AGPAT3: variants seen among roughly 807,000 people sequenced by gnomAD.
AGPAT3 encodes the protein 1-acyl-sn-glycerol-3-phosphate acyltransferase gamma.
In AGPAT3, 5 loss-of-function variants were observed where a neutral mutation model predicts 47.3. That is an observed-to-expected ratio of 0.11 (90% CI 0.06 to 0.22). AGPAT3 has a LOEUF of 0.22. Ranked by LOEUF, AGPAT3 falls within the 10% of genes least tolerant of loss-of-function variation. The probability of loss-of-function intolerance (pLI) is 1.00; values close to 1 mark genes in which losing one functional copy is unlikely to be tolerated. For missense variants in AGPAT3, 315 were observed against 493.0 expected, an observed-to-expected ratio of 0.64 and a Z score of 3.42; for synonymous variants, 212 against 208.3, an observed-to-expected ratio of 1.02 and a Z score of -0.15.
intron 1 of AGPAT3, 79 bp from the exon 2 acceptor site, chr21:43,903,878 A>G (rs768681278): frequency 1.3e-5 from 2 of 152,240 alleles, no homozygotes; most frequent in Non-Finnish European, 2.9e-5. Flanking sequence ...CGGGTTTTGA[A>G]GTGGATGCAT....
intron 1 of AGPAT3, among the ~76,000 whole-genome samples, chr21:43,896,299 G>A (rs1569051259): frequency 6.6e-6 from 1 of 152,224 alleles, no homozygotes; most frequent in Non-Finnish European, 1.5e-5. Flanking sequence ...GTGGGGTGAA[G>A]GAATCTGCTC....
intron 1 of AGPAT3, among the ~76,000 whole-genome samples, chr21:43,869,367 G>T (rs908398814): frequency 6.6e-6 from 1 of 152,184 alleles, no homozygotes; most frequent in African/African-American, 2.4e-5. Flanking sequence ...CATTTTATTA[G>T]GGAGCTACAC....
At chr21:43,917,594 G>C (rs2086760514) in intron 2 of AGPAT3, among the ~76,000 whole-genome samples, 1 of 152,194 alleles carries the variant, frequency 6.6e-6, no homozygotes, top group Non-Finnish European at 1.5e-5. Flanking sequence ...AGCTAGCTTA[G>C]GGGAAGAGGT....
intron 4 of AGPAT3, among the ~76,000 whole-genome samples, chr21:43,968,381 C>T (rs1229230852): frequency 4.1e-5 from 5 of 123,386 alleles, no homozygotes; most frequent in Non-Finnish European, 8.5e-5. Context: ...TGGGAGTGAG[C>T]GGCAAGGGTC....
chr21:43,932,920 G>A lies in AGPAT3; in HGVS notation c.-48-26714G>A, dbSNP rs1208986952. Among the ~76,000 whole-genome samples the A allele has an allele frequency of 6.6e-6, 1 of 152,190 alleles. No homozygotes were observed. Among genetic ancestry groups the A allele is most frequent in the Non-Finnish European group, 1.5e-5 (1 of 68,034 alleles). Reference sequence around the variant, plus strand: ...CCGCCTTGGCCTCCCAAAGTGCTGGGATTACAGGTGTGAGCCACCGCCCTG... The same window carrying A: ...CCGCCTTGGCCTCCCAAAGTGCTGGAATTACAGGTGTGAGCCACCGCCCTG... On this transcript the variant is annotated intron_variant, in intron 2 of 9. Coordinates refer to ENST00000291572, the MANE Select transcript of AGPAT3 (RefSeq NM_020132.5). This position sits in a 1 kb window ranked among gnomAD's most constrained non-coding sequence, Gnocchi z 5.2.
chr21:43,926,531 G>A (rs1390535845), intron 2 of AGPAT3, among the ~76,000 whole-genome samples: 2 of 152,082 alleles, frequency 1.3e-5, no homozygotes, highest in Non-Finnish European at 2.9e-5. Flanking sequence ...GTGCACGAGA[G>A]GAGCCCCCAG....
At chr21:43,888,181 A>C (rs914400769) in intron 1 of AGPAT3, among the ~76,000 whole-genome samples, 3 of 152,186 alleles carry the variant, frequency 2.0e-5, no homozygotes. Context: ...CTGGCACTAC[A>C]GGTGCACACC....
rs139780028 is a variant in AGPAT3, at chr21:43,928,823, G to T, written c.-49+24804G>T. On this transcript the variant is annotated intron_variant, in intron 2 of 9. Transcript: ENST00000291572. ...CTACGGATACTACAGATGAGGCGCT[G>T]TCTAATTTTGTTTCACAATGAGCTG... Among the ~76,000 whole-genome samples, 347 of 152,318 alleles carry T rather than the reference G, an allele frequency of 2.3e-3. 1 individual carries two copies. Among genetic ancestry groups the T allele is most frequent in the Middle Eastern group, 6.8e-3 (2 of 294 alleles).
intron 3 of AGPAT3, chr21:43,966,989 T>G (rs930698733): frequency 6.6e-6 from 1 of 152,252 alleles, no homozygotes; most frequent in Non-Finnish European, 1.5e-5. Flanking sequence ...GAGGCCCACG[T>G]GTGACAAAGA....
chr21:43,950,585 A>G (rs1270682545), intron 2 of AGPAT3: 1 of 152,264 alleles, frequency 6.6e-6, no homozygotes, highest in Non-Finnish European at 1.5e-5. Context: ...CATTCGGACG[A>G]GATCAGCGTG....
chr21:43,907,205 T>C (rs901822026), intron 2 of AGPAT3, among the ~76,000 whole-genome samples: 2 of 151,802 alleles, frequency 1.3e-5, no homozygotes, highest in Non-Finnish European at 2.9e-5. Flanking sequence ...GCTTTTTTAT[T>C]TTTTGTAGAG....
intron 1 of AGPAT3, among the ~76,000 whole-genome samples, chr21:43,881,594 C>A (rs1045974577): frequency 1.3e-5 from 2 of 152,140 alleles, no homozygotes; most frequent in African/African-American, 4.8e-5. Flanking sequence ...CATTCATATT[C>A]TTCTATATTG....
Position 43,908,794 on chromosome 21 carries a change from CA to C in AGPAT3, c.-49+4779del, listed in dbSNP as rs2086563013. 6.6e-6 allele frequency among the ~76,000 whole-genome samples: 1 copy of C among 152,210 alleles called. No homozygotes were observed. The highest frequency in any genetic ancestry group is 2.4e-5 in the African/African-American group (1 of 41,454). On this transcript the variant is annotated intron_variant, in intron 2 of 9. Transcript: ENST00000291572. The surrounding 1 kb of genome is among the most constrained non-coding windows in gnomAD (Gnocchi z 4.9). ...GTGGTGGCCTGCCAGCTCCAGGCTG[CA>C]AAAGTCCCTCGTCATTTCATTTCCT...
At chr21:43,950,125 T>G (rs973046267) in intron 2 of AGPAT3, among the ~76,000 whole-genome samples, 17 of 152,242 alleles carry the variant, frequency 1.1e-4, no homozygotes, top group African/African-American at 3.9e-4. Flanking sequence ...CTAGAGCCAT[T>G]AAGAGAGCAA....
At chr21:43,916,687 G>A (rs1307368330) in intron 2 of AGPAT3, among the ~76,000 whole-genome samples, 3 of 152,076 alleles carry the variant, frequency 2.0e-5, no homozygotes. Context: ...CTTTTAGTAG[G>A]TGATTGGAGG....
At chr21:43,885,834 C>T (rs201738023) in intron 1 of AGPAT3, among the ~76,000 whole-genome samples, 1 of 78,572 alleles carries the variant, frequency 1.3e-5, no homozygotes. Flanking sequence ...TGTGCAGGTG[C>T]GCAGGTGCGC....
chr21:43,865,940 C>T lies in AGPAT3; in HGVS notation c.-112+595C>T, dbSNP rs532094816. On this transcript the variant is annotated intron_variant, in intron 1 of 9. Coordinates refer to ENST00000291572, the MANE Select transcript of AGPAT3 (RefSeq NM_020132.5). ...CGGGGCCCGGGGTTGGCTGTGGGTT[C>T]GGCCCGGAGACCGGCGGCGCGTTTG... 5.9e-4 allele frequency among the ~76,000 whole-genome samples: 89 copies of T among 152,118 alleles called. No individual in the cohort carries two copies. In the South Asian group the frequency reaches 0.017, roughly 29 times the overall value.
chr21:43,961,301 CAT>C (rs2088823853), intron 3 of AGPAT3, among the ~76,000 whole-genome samples: 1 of 152,186 alleles, frequency 6.6e-6, no homozygotes, highest in Non-Finnish European at 1.5e-5. Flanking sequence ...CACTTCGTCT[CAT>C]ATGGGAAACG....
Position 43,982,218 on chromosome 21 carries a change from G to C in AGPAT3, c.1043-86G>C. 1 of 1,001,272 alleles carries C rather than the reference G, an allele frequency of 1.0e-6. No individual in the cohort carries two copies. Among genetic ancestry groups the C allele is most frequent in the South Asian group, 1.4e-5 (1 of 73,712 alleles). The allele number at this position is 1,001,272 out of a possible 1,614,324, so 62.0% of individuals were successfully genotyped here. The stretch of plus-strand genomic sequence containing the variant: ...GGGCAGAGGGACAGGGTCTGGGGCA[G>C]AGGAAGGAAGCCCCAGTAACACGTT... On this transcript the variant is annotated intron_variant, in intron 9 of 9. Transcript: ENST00000291572. The surrounding 1 kb of genome is among the most constrained non-coding windows in gnomAD (Gnocchi z 6.2).
Sources: gnomAD v4.1 joint callset for allele counts (sites outside exome capture counted in the v4.1 genomes callset) on GRCh38, gnomAD v4.1.1 for gene constraint, Gnocchi (gnomAD v3.1) non-coding constraint, MANE v1.5 for transcripts, NCBI Gene and HGNC (gene_info 2026-07-23, HGNC 2026-07-21) for gene names.